SLMAP: variants seen among roughly 807,000 people sequenced by gnomAD.
SLMAP encodes sarcolemmal membrane-associated protein.
A neutral mutation model predicts 128.8 loss-of-function variants in SLMAP; 44 were observed. The ratio of observed to expected loss-of-function variants is 0.34; its 90% CI spans 0.27 to 0.44. The LOEUF (loss-of-function observed/expected upper bound fraction) is 0.44. SLMAP is among the 20% of genes least tolerant of loss of function. SLMAP has a pLI of 1.00. For missense variants in SLMAP, 787 were observed against 985.3 expected (o/e 0.80, Z 2.69); for synonymous variants, 327 against 348.8 (o/e 0.94, Z 0.70).
At chr3:57,820,560 G>T (rs146706433) in intron 2 of SLMAP, among the ~76,000 whole-genome samples, 5 of 152,102 alleles carry the variant, frequency 3.3e-5, no homozygotes, top group African/African-American at 1.2e-4. Context: ...ATCTGTAAAC[G>T]CGAGGGCAAA....
intron 2 of SLMAP, among the ~76,000 whole-genome samples, chr3:57,794,964 A>G (rs996399348): frequency 1.3e-5 from 2 of 152,186 alleles, no homozygotes; most frequent in Non-Finnish European, 2.9e-5. Context: ...GTTAGGTAAT[A>G]TGGTAACTCC....
intron 2 of SLMAP, among the ~76,000 whole-genome samples, chr3:57,828,386 A>G (rs2093076602): frequency 6.6e-6 from 1 of 152,218 alleles, no homozygotes; most frequent in African/African-American, 2.4e-5. Context: ...TAATATGTCA[A>G]TCTTTCAAAA....
At chr3:57,872,799 A>G (rs914882868) in intron 14 of SLMAP, among the ~76,000 whole-genome samples, 1 of 152,222 alleles carries the variant, frequency 6.6e-6, no homozygotes, top group African/African-American at 2.4e-5. Context: ...AGGTCATTGT[A>G]TGTGGTAAAG....
intron 2 of SLMAP, among the ~76,000 whole-genome samples, chr3:57,827,473 A>G (rs569628696): frequency 2.0e-5 from 3 of 152,356 alleles, no homozygotes; most frequent in Admixed American, 1.3e-4. Context: ...GACAGGGGTA[A>G]ACCTTTCAAT....
intron 23 of SLMAP, 111 bp downstream of exon 23, chr3:57,923,134 T>C: frequency 1.0e-6 from 1 of 979,790 alleles, no homozygotes; most frequent in Non-Finnish European, 1.5e-6. Context: ...ACAGATGAAA[T>C]AGGCTTTTCA....
At chr3:57,782,739 C>T (rs1157628520) in intron 2 of SLMAP, among the ~76,000 whole-genome samples, 2 of 152,190 alleles carry the variant, frequency 1.3e-5, no homozygotes, top group African/African-American at 4.8e-5. Context: ...TCCCAAAGTG[C>T]TGGGATTATA....
chr3:57,912,466 T>C lies in SLMAP; in HGVS notation c.1785T>C (p.Leu595=). ...TCACAAGTACTAGAGATGAATTGCTTAGTGCCCGAGATGAAATTTTGCTCC... is the reference window on the plus strand; with the variant it reads ...TCACAAGTACTAGAGATGAATTGCTCAGTGCCCGAGATGAAATTTTGCTCC... ...SEITSTRDEL[L]SARDEILLLH... is the part of the protein sequence containing the mutation. Residue 595 remains leucine, a synonymous_variant, in exon 20 of 25, where the codon CTT becomes CTC. Coordinates refer to ENST00000671191, the MANE Select transcript of SLMAP (RefSeq NM_001377540.1). 1 of 1,614,162 alleles carries C rather than the reference T, an allele frequency of 6.2e-7. No individual in the cohort carries two copies. Among genetic ancestry groups the C allele is most frequent in the Non-Finnish European group, 8.5e-7 (1 of 1,180,000 alleles).
chr3:57,839,434 A>ATTTTT (rs1189313640), intron 3 of SLMAP, among the ~76,000 whole-genome samples: 115 of 82,838 alleles, frequency 1.4e-3, no homozygotes, highest in Non-Finnish European at 1.7e-3. Flanking sequence ...CATTAGCTCT[A>ATTTTT]TTTTTTTTTT....
At chr3:57,759,048 C>T (rs1311935203) in intron 2 of SLMAP, among the ~76,000 whole-genome samples, 1 of 152,138 alleles carries the variant, frequency 6.6e-6, no homozygotes, top group Non-Finnish European at 1.5e-5. Context: ...TCGGCAGCTA[C>T]TGATTTAAGG....
At chr3:57,896,678 T>C in intron 16 of SLMAP, 87 bp downstream of exon 16, 1 of 1,259,076 alleles carries the variant, frequency 7.9e-7, no homozygotes, top group Non-Finnish European at 1.1e-6. Flanking sequence ...TTTCAAAGTA[T>C]GTGTTTGGGG....
chr3:57,888,353 A>G (rs889621847), intron 14 of SLMAP, among the ~76,000 whole-genome samples: 26 of 152,302 alleles, frequency 1.7e-4, no homozygotes, highest in South Asian at 4.1e-4. Context: ...GGCCAGGCGC[A>G]GTGGCTCATG....
At chr3:57,843,722 TTTTCTTTC>T (rs910647719) in intron 4 of SLMAP, among the ~76,000 whole-genome samples, 9 of 146,440 alleles carry the variant, frequency 6.1e-5, no homozygotes, top group African/African-American at 7.6e-5. Context: ...CTTTCTTTCT[TTTTCTTTC>T]TTTCTTTCTT....
chr3:57,894,278 A>C, intron 15 of SLMAP, among the ~76,000 whole-genome samples: 1 of 152,198 alleles, frequency 6.6e-6, no homozygotes, highest in Middle Eastern at 3.2e-3. Context: ...TGCAATTAAA[A>C]ATTCATAGAT....
At chr3:57,860,197 G>T (rs1455276038) in intron 8 of SLMAP, among the ~76,000 whole-genome samples, 1 of 152,040 alleles carries the variant, frequency 6.6e-6, no homozygotes, top group Non-Finnish European at 1.5e-5. Flanking sequence ...CCCATCTTTG[G>T]TCTGTGTAAA....
At chr3:57,876,310 C>T (rs2095602656) in intron 14 of SLMAP, among the ~76,000 whole-genome samples, 1 of 152,176 alleles carries the variant, frequency 6.6e-6, no homozygotes, top group Admixed American at 6.5e-5. Flanking sequence ...AATTGAAACA[C>T]ATTTCAATTT....
intron 3 of SLMAP, among the ~76,000 whole-genome samples, chr3:57,833,834 G>GT (rs756200630): frequency 3.3e-5 from 5 of 151,574 alleles, no homozygotes; most frequent in Non-Finnish European, 7.4e-5. Flanking sequence ...GTTTCTTTTG[G>GT]TACTTACTGG....
intron 6 of SLMAP, 56 bp from the exon 7 acceptor site, chr3:57,857,677 C>T (rs1171735094): frequency 8.6e-6 from 10 of 1,160,480 alleles, no homozygotes; most frequent in Non-Finnish European, 1.3e-5. Flanking sequence ...ATTGATCACT[C>T]CTCAAAAGAA....
chr3:57,835,214 AG>A (rs1360947160), intron 3 of SLMAP, among the ~76,000 whole-genome samples: 11 of 148,364 alleles, frequency 7.4e-5, no homozygotes, highest in Non-Finnish European at 1.3e-4. Flanking sequence ...CTGAAGTAGG[AG>A]GAGCCCTTGA....
intron 6 of SLMAP, 47 bp downstream of exon 6, chr3:57,849,863 C>T (rs781240184): frequency 1.8e-6 from 2 of 1,102,862 alleles, no homozygotes; most frequent in Non-Finnish European, 2.8e-6. Context: ...TTCTTTTAAA[C>T]TTTTAAAAGT....
Sources: gnomAD v4.1 joint callset for allele counts (sites outside exome capture counted in the v4.1 genomes callset) on GRCh38, gnomAD v4.1.1 for gene constraint, MANE v1.5 for transcripts, NCBI Gene and HGNC (gene_info 2026-07-23, HGNC 2026-07-21) for gene names.